The following UNC5D variants were observed in gnomAD, a reference collection of about 807,000 sequenced individuals.
UNC5D encodes unc-5 netrin receptor D.
UNC5D carries 39 observed loss-of-function variants against 105.4 expected under a neutral mutation model. The observed-to-expected ratio is 0.37, with a 90% confidence interval of 0.29 to 0.48. UNC5D has a LOEUF of 0.48. Among genes scored for constraint, UNC5D ranks in the 20% least tolerant of loss-of-function variants. UNC5D has a pLI of 0.98. For missense variants in UNC5D, 991 were observed against 1,202.4 expected (o/e 0.82, Z 2.60); for synonymous variants, 452 against 450.4 (o/e 1.00, Z -0.04).
intron 1 of UNC5D, among the ~76,000 whole-genome samples, chr8:35,459,639 G>C (rs565858081): frequency 6.6e-6 from 1 of 152,230 alleles, no homozygotes; most frequent in South Asian, 2.1e-4. Flanking sequence ...TTATAAACCT[G>C]TCACCATCAC....
intron 3 of UNC5D, among the ~76,000 whole-genome samples, chr8:35,592,075 G>A (rs141056492): frequency 6.6e-6 from 1 of 152,270 alleles, no homozygotes; most frequent in East Asian, 1.9e-4. Context: ...CATCCTGACT[G>A]ATGCTGCCTG....
At chr8:35,511,927 C>T (rs1169086420) in intron 1 of UNC5D, among the ~76,000 whole-genome samples, 4 of 152,038 alleles carry the variant, frequency 2.6e-5, no homozygotes, top group Non-Finnish European at 4.4e-5. Context: ...CCTGGCTATT[C>T]GAAGGTGGAG....
At chr8:35,328,896 C>T (rs1378772976) in intron 1 of UNC5D, among the ~76,000 whole-genome samples, 1 of 152,122 alleles carries the variant, frequency 6.6e-6, no homozygotes. Context: ...CACATATATT[C>T]ATTACTCTTG....
chr8:35,512,479 T>TCTGC (rs1329351019), intron 1 of UNC5D, among the ~76,000 whole-genome samples: 11 of 107,838 alleles, frequency 1.0e-4, no homozygotes, highest in African/African-American at 4.5e-4. Context: ...TATATATATA[T>TCTGC]ATATATATAT....
intron 4 of UNC5D, among the ~76,000 whole-genome samples, chr8:35,620,883 C>T (rs766901128): frequency 6.6e-6 from 1 of 152,096 alleles, no homozygotes; most frequent in Non-Finnish European, 1.5e-5. Flanking sequence ...ACCAGTCATT[C>T]AACACTGAAG....
At position 35,458,109 on chromosome 8, in the gene UNC5D, T is replaced by C. The variant is rs184359133; in HGVS notation, c.104-91183T>C. On this transcript the variant is annotated intron_variant, in intron 1 of 16. Coordinates refer to ENST00000404895, the MANE Select transcript of UNC5D (RefSeq NM_080872.4). Reference sequence around the variant, plus strand: ...GAGCACTGCTGCCTGCTCTGCACCATAGTAACATGGTTGCTGAAGAATCCT... The same window carrying C: ...GAGCACTGCTGCCTGCTCTGCACCACAGTAACATGGTTGCTGAAGAATCCT... 5.3e-5 allele frequency among the ~76,000 whole-genome samples: 8 copies of C among 152,256 alleles called. No homozygotes were observed. In the East Asian group the frequency reaches 1.5e-3, roughly 29 times the overall value.
At chr8:35,386,889 A>G (rs147004387) in intron 1 of UNC5D, among the ~76,000 whole-genome samples, 1 of 151,972 alleles carries the variant, frequency 6.6e-6, no homozygotes, top group African/African-American at 2.4e-5. Flanking sequence ...TTTATTTTTC[A>G]CTCTGAATTT....
intron 8 of UNC5D, chr8:35,721,305 C>G (rs1487886478): frequency 3.1e-6 from 2 of 643,876 alleles, no homozygotes; most frequent in Non-Finnish European, 5.6e-6. Flanking sequence ...CAGGAGCCAT[C>G]ATGGATCTGC....
At chr8:35,434,706 G>A (rs1273463018) in intron 1 of UNC5D, among the ~76,000 whole-genome samples, 2 of 151,874 alleles carry the variant, frequency 1.3e-5, no homozygotes, top group Non-Finnish European at 2.9e-5. Flanking sequence ...CATTCATTAG[G>A]AGGCATATAT....
intron 1 of UNC5D, among the ~76,000 whole-genome samples, chr8:35,262,179 A>G (rs1804543012): frequency 6.6e-6 from 1 of 152,084 alleles, no homozygotes; most frequent in Non-Finnish European, 1.5e-5. Flanking sequence ...TTTTTTTATT[A>G]GTAGATACTT....
chr8:35,305,265 A>G (rs1419213229), intron 1 of UNC5D, among the ~76,000 whole-genome samples: 1 of 152,170 alleles, frequency 6.6e-6, no homozygotes, highest in African/African-American at 2.4e-5. Flanking sequence ...AACCACGGTC[A>G]GAACTATCTT....
chr8:35,700,510 G>A (rs1231852451), intron 7 of UNC5D, among the ~76,000 whole-genome samples: 1 of 152,068 alleles, frequency 6.6e-6, no homozygotes, highest in East Asian at 1.9e-4. Context: ...TAGACAAACT[G>A]TCGAGAGAGA....
intron 1 of UNC5D, among the ~76,000 whole-genome samples, chr8:35,502,145 G>A (rs1812013387): frequency 6.6e-6 from 1 of 152,158 alleles, no homozygotes; most frequent in African/African-American, 2.4e-5. Context: ...TTATAAACAT[G>A]TTTTATGGGA....
chr8:35,382,442 C>G (rs1803098004), intron 1 of UNC5D, among the ~76,000 whole-genome samples: 2 of 152,328 alleles, frequency 1.3e-5, no homozygotes, highest in African/African-American at 4.8e-5. Flanking sequence ...TTAACTTCCA[C>G]ATCTGTGAAC....
At chr8:35,628,056 C>G (rs1821799014) in intron 4 of UNC5D, among the ~76,000 whole-genome samples, 1 of 152,058 alleles carries the variant, frequency 6.6e-6, no homozygotes, top group African/African-American at 2.4e-5. Context: ...TTTCATAGAC[C>G]TAATCAATTG....
chr8:35,364,044 C>G (rs199591607), intron 1 of UNC5D, among the ~76,000 whole-genome samples: 2 of 152,000 alleles, frequency 1.3e-5, no homozygotes, highest in African/African-American at 4.8e-5. Flanking sequence ...ATTAGACAGG[C>G]GTCTCAGGCC....
At chr8:35,739,683 G>A (rs1554598999) in intron 11 of UNC5D, among the ~76,000 whole-genome samples, 3 of 152,158 alleles carry the variant, frequency 2.0e-5, no homozygotes, top group Non-Finnish European at 4.4e-5. Context: ...ATATTGTAAA[G>A]GAGCACCACA....
At chr8:35,416,565 G>C (rs1239407214) in intron 1 of UNC5D, among the ~76,000 whole-genome samples, 1 of 152,108 alleles carries the variant, frequency 6.6e-6, no homozygotes, top group Non-Finnish European at 1.5e-5. Flanking sequence ...ATATCTAATT[G>C]GTTAAATGTG....
intron 1 of UNC5D, among the ~76,000 whole-genome samples, chr8:35,417,264 G>A (rs1805594217): frequency 6.9e-6 from 1 of 145,134 alleles, no homozygotes; most frequent in Non-Finnish European, 1.5e-5. Context: ...CCTTCTGGTA[G>A]CCATCCTTTT....
Sources: gnomAD v4.1 joint callset for allele counts (sites outside exome capture counted in the v4.1 genomes callset) on GRCh38, gnomAD v4.1.1 for gene constraint, MANE v1.5 for transcripts, NCBI Gene and HGNC (gene_info 2026-07-23, HGNC 2026-07-21) for gene names.